The following ZNF84 variants were observed in gnomAD, a reference collection of about 807,000 sequenced individuals.
ZNF84 encodes zinc finger protein HPF2.
In ZNF84, 12 loss-of-function variants were observed where a neutral mutation model predicts 14.8. The ratio of observed to expected loss-of-function variants is 0.81; its 90% CI spans 0.52 to 1.31. The LOEUF is 1.31. Ranked by LOEUF, ZNF84 falls within the 50% of genes most tolerant of loss-of-function variation. ZNF84 has a pLI of 0.00. For synonymous variants in ZNF84, 347 were observed against 291.1 expected, an observed-to-expected ratio of 1.19 and a Z score of -1.96; for missense variants, 859 against 878.6, an observed-to-expected ratio of 0.98 and a Z score of 0.28.
At chr12:133,044,829 G>T (rs1953950611) in intron 2 of ZNF84, among the ~76,000 whole-genome samples, 1 of 151,678 alleles carries the variant, frequency 6.6e-6, no homozygotes, top group Non-Finnish European at 1.5e-5. Flanking sequence ...CAGGAGAATC[G>T]CTTGAACCTG....
intron 2 of ZNF84, among the ~76,000 whole-genome samples, chr12:133,045,862 C>A (rs373983901): frequency 6.6e-6 from 1 of 152,020 alleles, no homozygotes; most frequent in African/African-American, 2.4e-5. Flanking sequence ...CATGCTCTTT[C>A]TTTTCTCTTT....
chr12:133,047,532 T>C (rs1477879086), intron 2 of ZNF84: 5 of 153,614 alleles, frequency 3.3e-5, no homozygotes, highest in African/African-American at 9.6e-5. Flanking sequence ...TAAAAACTTT[T>C]GTCTTTCTTC....
At chr12:133,056,770 G>T (rs1954166769) in intron 4 of ZNF84, among the ~76,000 whole-genome samples, 184 bp from the exon 5 acceptor site, 2 of 152,050 alleles carry the variant, frequency 1.3e-5, no homozygotes, top group South Asian at 4.1e-4. Flanking sequence ...TCAGTTTCCT[G>T]TTTCTGTTTT....
intron 2 of ZNF84, among the ~76,000 whole-genome samples, chr12:133,044,664 C>G (rs1199222517): frequency 3.3e-5 from 5 of 151,900 alleles, no homozygotes. Flanking sequence ...ACCTGTAATC[C>G]CAGCACTTTG....
rs1428914172 is a variant in ZNF84 at position 133,059,808 on chromosome 12, A to G, written c.*876A>G. ...ATGGAAACTCATGTAACATGACTAC[A>G]TGAATAAGTACCTTAAGTGATAACC... On this transcript the variant is annotated 3_prime_UTR_variant, in exon 5 of 5. Transcript: ENST00000539354. The G allele has an allele frequency of 2.0e-5, 3 of 152,236 alleles. No individual in the cohort carries two copies. Among genetic ancestry groups the G allele is most frequent in the African/African-American group, 7.2e-5 (3 of 41,468 alleles). 9.4% of individuals were successfully genotyped at this position (152,236 alleles called of 1,614,324 possible). A position where few individuals can be genotyped will look rare whatever the true frequency, so the allele number is the denominator to read the frequency against.
intron 2 of ZNF84, among the ~76,000 whole-genome samples, chr12:133,042,784 G>A (rs1252231960): frequency 6.6e-6 from 1 of 152,196 alleles, no homozygotes; most frequent in Admixed American, 6.5e-5. Flanking sequence ...AAACTGTAAG[G>A]CCTAATTTAC....
At chr12:133,043,610 A>G (rs904129685) in intron 2 of ZNF84, among the ~76,000 whole-genome samples, 1 of 152,174 alleles carries the variant, frequency 6.6e-6, no homozygotes, top group South Asian at 2.1e-4. Flanking sequence ...CACAGGTTTA[A>G]TCTTTTTGTC....
chr12:133,037,836 C>T (rs1953812732), intron 1 of ZNF84: 2 of 151,958 alleles, frequency 1.3e-5, no homozygotes, highest in African/African-American at 4.8e-5. Context: ...GCCTCGGGCG[C>T]GTTTAGCCTC....
At position 133,061,446 on chromosome 12, in the gene ZNF84, C is replaced by T. The variant is rs1243155931; in HGVS notation, c.*2514C>T. 3.3e-5 allele frequency: 5 copies of T among 152,140 alleles called. No individual in the cohort carries two copies. Among genetic ancestry groups the T allele is most frequent in the Non-Finnish European group, 7.4e-5 (5 of 68,024 alleles). The allele number at this position is 152,140 out of a possible 1,614,324, so 9.4% of individuals were successfully genotyped here. A position where few individuals can be genotyped will look rare whatever the true frequency, so the allele number is the denominator to read the frequency against. On this transcript the variant is annotated 3_prime_UTR_variant, in exon 5 of 5. Coordinates refer to ENST00000539354, the MANE Select transcript of ZNF84 (RefSeq NM_001289971.2). Reference sequence around the variant, plus strand: ...AGCCAAGATTGTGCAGCCTGGGCGACAGAGCGAGCCTCTGTCAAAAAAAGA... The same window carrying T: ...AGCCAAGATTGTGCAGCCTGGGCGATAGAGCGAGCCTCTGTCAAAAAAAGA...
At chr12:133,047,394 C>G (rs1954000772) in intron 2 of ZNF84, among the ~76,000 whole-genome samples, 1 of 152,176 alleles carries the variant, frequency 6.6e-6, no homozygotes, top group Non-Finnish European at 1.5e-5. Flanking sequence ...ACAAAAAATA[C>G]TTTTATTGGG....
chr12:133,054,680 C>A (rs1954123013), intron 4 of ZNF84, among the ~76,000 whole-genome samples: 1 of 148,136 alleles, frequency 6.8e-6, no homozygotes, highest in African/African-American at 2.5e-5. Flanking sequence ...ACAACATAAA[C>A]ATATATCAAA....
rs1382800962 is a variant in ZNF84, at chr12:133,061,359, C to G, written c.*2427C>G. ...GGCATGGTTGTGCGTGCCTGTAATCCCAGTTACTCAGGAGGCTGAGGCAGG... is the reference window on the plus strand; with the variant it reads ...GGCATGGTTGTGCGTGCCTGTAATCGCAGTTACTCAGGAGGCTGAGGCAGG... On this transcript the variant is annotated 3_prime_UTR_variant, in exon 5 of 5. Transcript: ENST00000539354. The G allele has an allele frequency of 3.9e-5, 6 of 152,238 alleles. No individual in the cohort carries two copies. In the East Asian group the frequency reaches 9.7e-4, roughly 25 times the overall value. The allele number at this position is 152,238 out of a possible 1,614,324, so 9.4% of individuals were successfully genotyped here.
rs1954157778 is a variant in ZNF84 at position 133,056,356 on chromosome 12, C to T, written c.239-598C>T. On this transcript the variant is annotated intron_variant, in intron 4 of 4. Transcript: ENST00000539354. ...GCAATCTCCGCCTCCTGGGTTCACA[C>T]CGTTCTCCTGCCTCAGCCTCCTGAG... is the stretch of plus-strand genomic sequence containing the variant. 2.6e-5 allele frequency among the ~76,000 whole-genome samples: 4 copies of T among 152,102 alleles called. No homozygotes were observed. The South Asian group carries it at 8.3e-4, about 32-fold the overall frequency.
intron 4 of ZNF84, among the ~76,000 whole-genome samples, chr12:133,050,368 A>T (rs1167746074): frequency 6.6e-6 from 1 of 152,228 alleles, no homozygotes; most frequent in African/African-American, 2.4e-5. Context: ...GTAAGTATCC[A>T]GAATGTCCAG....
chr12:133,062,926 G>T lies in ZNF84; in HGVS notation c.*3994G>T. 1 of 572,890 alleles carries T rather than the reference G, an allele frequency of 1.7e-6. No individual in the cohort carries two copies. Among genetic ancestry groups the T allele is most frequent in the Non-Finnish European group, 3.1e-6 (1 of 321,654 alleles). The allele number at this position is 572,890 out of a possible 1,614,324, so 35.5% of individuals were successfully genotyped here. On this transcript the variant is annotated 3_prime_UTR_variant, in exon 5 of 5. Coordinates refer to ENST00000539354, the MANE Select transcript of ZNF84 (RefSeq NM_001289971.2). ...CCCTTGTTCCTTGTTAATGCCTATT[G>T]AATCTATATGAACCTGTACGTGTGT...
At chr12:133,043,426 A>G (rs775966908) in intron 2 of ZNF84, among the ~76,000 whole-genome samples, 49 of 152,188 alleles carry the variant, frequency 3.2e-4, no homozygotes, top group Non-Finnish European at 5.9e-4. Flanking sequence ...TAGCCCCCCA[A>G]AGTGTGTGAG....
At position 133,046,996 on chromosome 12, in the gene ZNF84, C is replaced by G. The variant is rs761781950; in HGVS notation, c.16-959C>G. Reference sequence around the variant, plus strand: ...ATTTATATATATATATAATACAGGTCTCACTGTATTACTTAGTTTGGTCTC... The same window carrying G: ...ATTTATATATATATATAATACAGGTGTCACTGTATTACTTAGTTTGGTCTC... On this transcript the variant is annotated intron_variant, in intron 2 of 4. Coordinates refer to ENST00000539354, the MANE Select transcript of ZNF84 (RefSeq NM_001289971.2). 1.1e-3 allele frequency among the ~76,000 whole-genome samples: 161 copies of G among 144,778 alleles called. 1 individual carries two copies. Among genetic ancestry groups the G allele is most frequent in the South Asian group, 3.2e-3 (15 of 4,664 alleles). The allele number at this position is 144,778 out of a possible 152,430, so 95.0% of individuals were successfully genotyped here. A position where few individuals can be genotyped will look rare whatever the true frequency, so the allele number is the denominator to read the frequency against.
At chr12:133,053,761 G>A (rs1954108318) in intron 4 of ZNF84, among the ~76,000 whole-genome samples, 1 of 151,950 alleles carries the variant, frequency 6.6e-6, no homozygotes, top group Admixed American at 6.6e-5. Flanking sequence ...AAATTAATAT[G>A]TTTATAATGG....
Position 133,062,215 on chromosome 12 carries a change from A to C in ZNF84, c.*3283A>C, listed in dbSNP as rs932101925. The C allele has an allele frequency of 3.1e-4, 47 of 152,220 alleles. No individual in the cohort carries two copies. The highest frequency in any genetic ancestry group is 1.1e-3 in the African/African-American group (46 of 41,450). The allele number at this position is 152,220 out of a possible 1,614,324, so 9.4% of individuals were successfully genotyped here. On this transcript the variant is annotated 3_prime_UTR_variant, in exon 5 of 5. Transcript: ENST00000539354. ...TTTACTAAGTAGTGGGTTTTCCTTA[A>C]GGTCCAGACTGAATTTTGAGACCTG...
Sources: allele counts gnomAD v4.1 joint callset (sites outside exome capture counted in the v4.1 genomes callset), GRCh38; gene constraint gnomAD v4.1.1; transcripts MANE v1.5; gene names NCBI Gene and HGNC (gene_info 2026-07-23, HGNC 2026-07-21).